The following SPMAP2L variants were observed in gnomAD, a reference collection of about 807,000 sequenced individuals.
The protein encoded by SPMAP2L is sperm microtubule associated protein 2 like.
the SPMAP2L span, among the ~76,000 whole-genome samples, chr4:56,543,895 A>AGTGTGTGTGTGTGTGTGT: frequency 1.8e-5 from 2 of 109,418 alleles, no homozygotes; most frequent in African/African-American, 7.4e-5. Context: ...AGAGAGAGAG[A>AGTGTGTGTGTGTGTGTGT]GTGTGTGTGT....
the SPMAP2L span, among the ~76,000 whole-genome samples, chr4:56,625,735 T>C: frequency 3.3e-5 from 5 of 152,192 alleles, no homozygotes; most frequent in African/African-American, 1.2e-4. Context: ...GAAATGTAAG[T>C]CAAATTAAAC....
At chr4:56,603,333 G>A in the SPMAP2L span, 1 of 1,521,450 alleles carries the variant, frequency 6.6e-7, no homozygotes, top group Non-Finnish European at 8.8e-7. Context: ...AATACAGAAA[G>A]CCACAACAGT....
chr4:56,553,743 G>A, the SPMAP2L span, among the ~76,000 whole-genome samples: 1 of 152,040 alleles, frequency 6.6e-6, no homozygotes. Flanking sequence ...AGCTTTATGG[G>A]TTTGACAAAT....
chr4:56,572,226 A>G, the SPMAP2L span, among the ~76,000 whole-genome samples: 2 of 152,198 alleles, frequency 1.3e-5, no homozygotes, highest in African/African-American at 4.8e-5. Flanking sequence ...ACATAATTGT[A>G]TGTGCTGGTA....
chr4:56,562,568 T>C, the SPMAP2L span, among the ~76,000 whole-genome samples: 1 of 152,180 alleles, frequency 6.6e-6, no homozygotes, highest in African/African-American at 2.4e-5. Context: ...TCAATACCAC[T>C]CATTCCCTCT....
the SPMAP2L span, among the ~76,000 whole-genome samples, chr4:56,554,772 T>A: frequency 6.6e-6 from 1 of 150,948 alleles, no homozygotes; most frequent in Non-Finnish European, 1.5e-5. Flanking sequence ...CTGTGTGTTT[T>A]TCTATGAAAC....
the SPMAP2L span, among the ~76,000 whole-genome samples, chr4:56,555,999 C>T: frequency 6.6e-6 from 1 of 152,128 alleles, no homozygotes; most frequent in African/African-American, 2.4e-5. Context: ...ACTCAACCCA[C>T]CCTATTTGAA....
At chr4:56,543,889 AGAGAGAGTGTGT>A in the SPMAP2L span, among the ~76,000 whole-genome samples, 30 of 130,120 alleles carry the variant, frequency 2.3e-4, no homozygotes, top group African/African-American at 8.5e-4. Flanking sequence ...AGAGAGAGAG[AGAGAGAGTGTGT>A]GTGTGTGTGT....
the SPMAP2L span, among the ~76,000 whole-genome samples, chr4:56,554,937 C>CTTTTTT: frequency 6.4e-5 from 6 of 93,418 alleles, no homozygotes; most frequent in East Asian, 2.7e-4. Context: ...ACTATCATTT[C>CTTTTTT]TTTTTTTTTT....
At chr4:56,539,223 T>C in the SPMAP2L span, among the ~76,000 whole-genome samples, 2 of 152,218 alleles carry the variant, frequency 1.3e-5, no homozygotes, top group Non-Finnish European at 2.9e-5. Flanking sequence ...ATACTATGTT[T>C]ATGGTGTAGG....
chr4:56,535,310 T>A, the SPMAP2L span, among the ~76,000 whole-genome samples: 3 of 152,156 alleles, frequency 2.0e-5, no homozygotes, highest in South Asian at 4.1e-4. Flanking sequence ...AAGGCAGAAA[T>A]GAAATCCACA....
chr4:56,544,152 C>G, the SPMAP2L span, among the ~76,000 whole-genome samples: 7 of 152,118 alleles, frequency 4.6e-5, no homozygotes, highest in Non-Finnish European at 7.4e-5. Context: ...CCACGCCCGG[C>G]TAATATTTGT....
At chr4:56,605,606 A>C in the SPMAP2L span, among the ~76,000 whole-genome samples, 2 of 152,182 alleles carry the variant, frequency 1.3e-5, no homozygotes, top group East Asian at 3.9e-4. Context: ...CTTGCTTTTC[A>C]TGTAAATAAG....
the SPMAP2L span, among the ~76,000 whole-genome samples, chr4:56,607,995 G>GAAAAAAAA: frequency 9.9e-4 from 71 of 71,724 alleles, no homozygotes; most frequent in Non-Finnish European, 1.2e-3. Context: ...CCTGTCTCAA[G>GAAAAAAAA]AAAAAAAAAA....
the SPMAP2L span, among the ~76,000 whole-genome samples, chr4:56,617,090 A>C: frequency 1.1e-4 from 16 of 152,200 alleles, no homozygotes; most frequent in Admixed American, 1.0e-3. Flanking sequence ...ATATGCTCTG[A>C]GAAATGTGTC....
At chr4:56,587,527 C>T in the SPMAP2L span, among the ~76,000 whole-genome samples, 1 of 149,952 alleles carries the variant, frequency 6.7e-6, no homozygotes, top group Non-Finnish European at 1.5e-5. Context: ...GCCTTTGCGT[C>T]CTCATAGCTT....
chr4:56,601,602 A>C, the SPMAP2L span, among the ~76,000 whole-genome samples: 3 of 151,958 alleles, frequency 2.0e-5, no homozygotes, highest in Admixed American at 2.0e-4. Flanking sequence ...TCTTCAAAAA[A>C]ATACCAAAAA....
chr4:56,575,474 G>T, the SPMAP2L span: 1 of 1,532,234 alleles, frequency 6.5e-7, no homozygotes, highest in Non-Finnish European at 8.7e-7. Context: ...TGCTTGTTTC[G>T]TTTACTTCTT....
the SPMAP2L span, among the ~76,000 whole-genome samples, chr4:56,555,905 A>G: frequency 6.6e-6 from 1 of 152,184 alleles, no homozygotes; most frequent in Non-Finnish European, 1.5e-5. Context: ...ATGGATAGGA[A>G]CACACACATA....
Sources: gnomAD v4.1 joint callset for allele counts (sites outside exome capture counted in the v4.1 genomes callset) on GRCh38, gnomAD v4.1.1 for gene constraint, MANE v1.5 for transcripts, NCBI Gene and HGNC (gene_info 2026-07-23, HGNC 2026-07-21) for gene names.